Variants in TSPEAR observed in about 807,000 individuals in gnomAD.
The protein encoded by TSPEAR is thrombospondin type laminin G domain and EAR repeats, also known as thrombospondin-type laminin G domain and EAR repeat-containing protein.
Under a neutral mutation model 71.6 loss-of-function variants are expected in TSPEAR, and 69 were observed. The observed-to-expected ratio is 0.96, with a 90% CI of 0.79 to 1.18. The LOEUF is 1.18. Ranked by LOEUF, TSPEAR falls within the 50% of genes most tolerant of loss-of-function variation. TSPEAR has a pLI of 0.00. For synonymous variants in TSPEAR, 402 were observed against 387.2 expected (o/e 1.04, Z -0.45); for missense variants, 971 against 894.9 (o/e 1.09, Z -1.09).
At chr21:44,658,479 C>T in intron 1 of TSPEAR, 1 of 595,562 alleles carries the variant, frequency 1.7e-6, no homozygotes, top group Non-Finnish European at 3.0e-6. Flanking sequence ...GTCCTTCTCT[C>T]ACTCCAGCAG....
intron 2 of TSPEAR, among the ~76,000 whole-genome samples, chr21:44,536,293 G>T (rs781984345): frequency 2.2e-4 from 34 of 152,198 alleles, no homozygotes; most frequent in Non-Finnish European, 4.3e-4. Flanking sequence ...TGACTTCTGG[G>T]CCTGGTTCCT....
intron 1 of TSPEAR, among the ~76,000 whole-genome samples, chr21:44,568,825 C>T (rs2053743665): frequency 1.3e-5 from 2 of 152,164 alleles, no homozygotes; most frequent in Admixed American, 6.5e-5. Context: ...CTGTCTCCCT[C>T]CGTCTGGCAG....
At chr21:44,564,574 A>G (rs1015181073) in intron 2 of TSPEAR, among the ~76,000 whole-genome samples, 1 of 152,228 alleles carries the variant, frequency 6.6e-6, no homozygotes, top group Admixed American at 6.5e-5. Context: ...TCAACCTATC[A>G]TGAAGGTATA....
Position 44,664,724 on chromosome 21 carries a change from C to G in TSPEAR, c.82+46709G>C, listed in dbSNP as rs1380405471. ...GCAAAAAGATACTTAGCATATGACC[C>G]AGCTATTCCACTCCTAGACATTTAC... is the stretch of plus-strand genomic sequence containing the variant. On this transcript the variant is annotated intron_variant, in intron 1 of 11. Coordinates refer to ENST00000323084, the MANE Select transcript of TSPEAR (RefSeq NM_144991.3). Among the ~76,000 whole-genome samples the G allele has an allele frequency of 3.3e-5, 5 of 152,178 alleles. No individual in the cohort carries two copies. The East Asian group carries it at 9.6e-4, about 29-fold the overall frequency.
At chr21:44,604,887 T>TA (rs1981212068) in intron 1 of TSPEAR, among the ~76,000 whole-genome samples, 4 of 152,264 alleles carry the variant, frequency 2.6e-5, no homozygotes, top group Admixed American at 2.0e-4. Flanking sequence ...GTATCACATT[T>TA]ATTGATTTAT....
chr21:44,649,848 C>A (rs1213245917), intron 1 of TSPEAR, among the ~76,000 whole-genome samples: 4 of 152,190 alleles, frequency 2.6e-5, no homozygotes. Flanking sequence ...GACGCCACAG[C>A]CCACTGACGC....
Position 44,517,390 on chromosome 21 carries a change from G to A in TSPEAR, c.1566+4493C>T, listed in dbSNP as rs111600459. On this transcript the variant is annotated intron_variant, in intron 9 of 11. Transcript: ENST00000323084. Reference sequence around the variant, plus strand: ...TCATATGACCAGCACTAGCCAATGAGCTGTGAGTACACGTGACACAGGGAC... The same window carrying A: ...TCATATGACCAGCACTAGCCAATGAACTGTGAGTACACGTGACACAGGGAC... 690 of 208,982 alleles carry A rather than the reference G, an allele frequency of 3.3e-3. 7 individuals carry two copies. The highest frequency in any genetic ancestry group is 0.015 in the African/African-American group (638 of 42,992). 12.9% of individuals were successfully genotyped at this position (208,982 alleles called of 1,614,324 possible).
chr21:44,596,955 G>GT (rs1980404275), intron 1 of TSPEAR, among the ~76,000 whole-genome samples: 1 of 151,986 alleles, frequency 6.6e-6, no homozygotes, highest in African/African-American at 2.4e-5. Flanking sequence ...GGTTTATAAT[G>GT]TTTTCTCTCC....
In TSPEAR at chr21:44,567,817, C is replaced by T. The variant is rs1555921926; in HGVS notation, c.271G>A (p.Val91Ile). 53 of 1,594,598 alleles carry T rather than the reference C, an allele frequency of 3.3e-5. No homozygotes were observed. The highest frequency in any genetic ancestry group is 5.2e-5 in the Admixed American group (3 of 57,182). ...GGAAGATTGGGAACTCTCAAAGTTA[C>T]GACGATGGAAAATTCTTCAGGGAAG... The part of the protein sequence containing the change: ...DLFPEEFSIV[V>I]TLRVPNLPPK... The change falls in exon 2 of 12, where the codon GTA (valine) becomes ATA (isoleucine). Residue 91 changes from valine (V) to isoleucine (I), a missense_variant. By Grantham distance (29) the Val-to-Ile change is conservative. Coordinates refer to ENST00000323084, the MANE Select transcript of TSPEAR (RefSeq NM_144991.3).
At position 44,551,517 on chromosome 21, in the gene TSPEAR, A is replaced by T. The variant is rs587594372; in HGVS notation, c.303+16268T>A. The T allele has an allele frequency of 2.4e-3, 3,639 of 1,544,528 alleles. 26 individuals carry two copies. The highest frequency in any genetic ancestry group is 2.1e-3 in the Non-Finnish European group (2,406 of 1,142,682). On this transcript the variant is annotated intron_variant, in intron 2 of 11. Transcript: ENST00000323084. The stretch of plus-strand genomic sequence containing the variant: ...GTGTGAGTGAGTGAGTGTGTGTGTG[A>T]GTGTGTGAGTGAGTGTGTGTGTGAG...
At chr21:44,569,385 A>C (rs1262184059) in intron 1 of TSPEAR, among the ~76,000 whole-genome samples, 1 of 152,222 alleles carries the variant, frequency 6.6e-6, no homozygotes, top group Admixed American at 6.5e-5. Context: ...GCAGACGTGC[A>C]GTGCAGGAAC....
At chr21:44,627,425 G>A (rs587637334) in intron 1 of TSPEAR, 1 of 1,613,702 alleles carries the variant, frequency 6.2e-7, no homozygotes, top group Non-Finnish European at 8.5e-7. Context: ...CAGTCTAGCT[G>A]CCAGCCGGCT....
chr21:44,525,890 C>T (rs782443382), intron 7 of TSPEAR, 51 bp from the exon 8 acceptor site: 20 of 1,580,460 alleles, frequency 1.3e-5, no homozygotes, highest in Middle Eastern at 1.7e-4. Context: ...TCGGTGCCAG[C>T]GGCCTGGTTT....
chr21:44,650,827 G>A (rs587772879), intron 1 of TSPEAR, among the ~76,000 whole-genome samples: 1 of 152,342 alleles, frequency 6.6e-6, no homozygotes, highest in East Asian at 1.9e-4. Flanking sequence ...ACCTCCTACA[G>A]GCCAAGGGAC....
chr21:44,509,730 C>T (rs1601328140), intron 9 of TSPEAR: 1 of 302,010 alleles, frequency 3.3e-6, no homozygotes, highest in South Asian at 3.7e-5. Context: ...GGCCACTTCT[C>T]CCTGAATGTT....
At chr21:44,654,533 G>A in intron 1 of TSPEAR, 1 of 1,612,546 alleles carries the variant, frequency 6.2e-7, no homozygotes, top group Non-Finnish European at 8.5e-7. Context: ...TAGCCCTCGG[G>A]TGGGTAGCAG....
intron 2 of TSPEAR, chr21:44,551,030 A>T (rs782690145): frequency 6.2e-7 from 1 of 1,609,040 alleles, no homozygotes; most frequent in Non-Finnish European, 8.5e-7. Context: ...TGCAGCAGAC[A>T]GGCACACGGC....
rs376532494 is a variant in TSPEAR at position 44,638,843 on chromosome 21, TG to T, written c.83-70839del. Among the ~76,000 whole-genome samples, 950 of 151,832 alleles carry T rather than the reference TG, an allele frequency of 6.3e-3. 5 individuals carry two copies. The highest frequency in any genetic ancestry group is 0.022 in the African/African-American group (913 of 41,372). On this transcript the variant is annotated intron_variant, in intron 1 of 11. Coordinates refer to ENST00000323084, the MANE Select transcript of TSPEAR (RefSeq NM_144991.3). The stretch of plus-strand genomic sequence containing the variant: ...CAGCTCCATGGCTGCCCCCCAGGCC[TG>T]GGGTAGACCACCTGGGGCCTGGCTC...
chr21:44,626,774 G>A (rs62220922), intron 1 of TSPEAR, among the ~76,000 whole-genome samples: 8,191 of 152,148 alleles, frequency 0.054, 285 homozygotes, highest in South Asian at 0.11. Flanking sequence ...TGGGGCCAGT[G>A]GCTGGACGAT....
Sources: gnomAD v4.1 joint callset for allele counts (sites outside exome capture counted in the v4.1 genomes callset) on GRCh38, gnomAD v4.1.1 for gene constraint, MANE v1.5 for transcripts, NCBI Gene and HGNC (gene_info 2026-07-23, HGNC 2026-07-21) for gene names.